PRKG1: variants seen among roughly 807,000 people sequenced by gnomAD.
PRKG1 encodes protein kinase cGMP-dependent 1.
Under a neutral mutation model 88.1 loss-of-function variants are expected in PRKG1, and 35 were observed. The observed-to-expected ratio is 0.40, with a 90% CI of 0.30 to 0.53. PRKG1 has a LOEUF of 0.53. PRKG1 is among the 20% of genes least tolerant of loss of function. The probability of loss-of-function intolerance (pLI) is 0.59; values close to 1 mark genes in which losing one functional copy is unlikely to be tolerated. For synonymous variants in PRKG1, 303 were observed against 292.5 expected (o/e 1.04, Z -0.37); for missense variants, 540 against 839.8 (o/e 0.64, Z 4.41).
intron 9 of PRKG1, among the ~76,000 whole-genome samples, chr10:52,194,299 C>A (rs1313905002): frequency 2.0e-5 from 3 of 152,030 alleles, no homozygotes; most frequent in Admixed American, 1.3e-4. Context: ...ATAATTGAAG[C>A]TCCTAATAAA....
intron 1 of PRKG1, among the ~76,000 whole-genome samples, chr10:51,007,374 A>T (rs1237182261): frequency 1.3e-5 from 2 of 152,166 alleles, no homozygotes; most frequent in Admixed American, 1.3e-4. Context: ...TTACCATCCG[A>T]GTTAAGTTTT....
chr10:51,417,196 C>A (rs1011170848), intron 2 of PRKG1, among the ~76,000 whole-genome samples: 3 of 152,082 alleles, frequency 2.0e-5, no homozygotes, highest in African/African-American at 7.2e-5. Flanking sequence ...TTAAAAAGTA[C>A]GTAATTATTC....
intron 7 of PRKG1, among the ~76,000 whole-genome samples, chr10:52,103,512 C>T (rs532660505): frequency 7.2e-5 from 11 of 152,196 alleles, no homozygotes; most frequent in African/African-American, 2.4e-4. Flanking sequence ...TTCTTTATGA[C>T]TTTAACAGCA....
chr10:52,032,620 TTTAA>T (rs1258563754), intron 5 of PRKG1, among the ~76,000 whole-genome samples: 9 of 152,188 alleles, frequency 5.9e-5, no homozygotes, highest in Non-Finnish European at 1.3e-4. Flanking sequence ...TCAGCAGAAT[TTTAA>T]TTAATCATTT....
At chr10:51,143,343 T>C (rs745813604) in intron 1 of PRKG1, among the ~76,000 whole-genome samples, 3 of 152,144 alleles carry the variant, frequency 2.0e-5, no homozygotes, top group Non-Finnish European at 4.4e-5. Flanking sequence ...TAATATTCCA[T>C]TGTGTCTGTA....
chr10:52,024,322 T>G (rs866581712), intron 5 of PRKG1, among the ~76,000 whole-genome samples: 3 of 92,624 alleles, frequency 3.2e-5, no homozygotes, highest in Non-Finnish European at 4.6e-5. Flanking sequence ...TTTAACTTTT[T>G]TTTTTATTCT....
chr10:51,049,878 C>T (rs1843540111), intron 1 of PRKG1, among the ~76,000 whole-genome samples: 1 of 152,058 alleles, frequency 6.6e-6, no homozygotes, highest in Non-Finnish European at 1.5e-5. Context: ...TACCCATATG[C>T]ATGGCATGGG....
At chr10:52,127,529 A>G (rs936931449) in intron 7 of PRKG1, among the ~76,000 whole-genome samples, 2 of 152,152 alleles carry the variant, frequency 1.3e-5, no homozygotes, top group African/African-American at 4.8e-5. Context: ...TAGGGATGAA[A>G]TGTCAACAAA....
At chr10:51,817,785 G>A (rs1331922100) in intron 4 of PRKG1, among the ~76,000 whole-genome samples, 1 of 152,128 alleles carries the variant, frequency 6.6e-6, no homozygotes, top group Non-Finnish European at 1.5e-5. Flanking sequence ...AGAAGTTATT[G>A]ACTTGTTTTC....
intron 2 of PRKG1, among the ~76,000 whole-genome samples, chr10:51,354,947 C>A (rs1403126829): frequency 6.6e-6 from 1 of 152,000 alleles, no homozygotes; most frequent in Non-Finnish European, 1.5e-5. Context: ...AGCATGGTAG[C>A]AAATGTCTGG....
intron 9 of PRKG1, among the ~76,000 whole-genome samples, chr10:52,233,364 G>T (rs529453727): frequency 6.6e-6 from 1 of 151,912 alleles, no homozygotes; most frequent in Non-Finnish European, 1.5e-5. Context: ...CGTGAGCGAC[G>T]CAGAAGACGG....
chr10:52,150,183 A>ATTATT (rs1554810291), intron 8 of PRKG1, among the ~76,000 whole-genome samples: 4 of 147,976 alleles, frequency 2.7e-5, no homozygotes, highest in African/African-American at 1.0e-4. Context: ...TAATAATAAT[A>ATTATT]ATTTGATTGG....
intron 4 of PRKG1, among the ~76,000 whole-genome samples, chr10:51,875,636 T>C (rs1351479003): frequency 2.0e-5 from 3 of 152,210 alleles, no homozygotes; most frequent in African/African-American, 7.2e-5. Context: ...ATTGACAAAG[T>C]ATCTTTCGAC....
At chr10:51,639,029 TG>T (rs1469109666) in intron 3 of PRKG1, among the ~76,000 whole-genome samples, 1 of 152,186 alleles carries the variant, frequency 6.6e-6, no homozygotes, top group Non-Finnish European at 1.5e-5. Flanking sequence ...AACACTGTAA[TG>T]TTTTTTAAGG....
chr10:51,387,234 G>A (rs965108251), intron 2 of PRKG1, among the ~76,000 whole-genome samples: 1 of 151,702 alleles, frequency 6.6e-6, no homozygotes, highest in Non-Finnish European at 1.5e-5. Flanking sequence ...GTTCCACAGG[G>A]CCCGTGGTCA....
intron 4 of PRKG1, among the ~76,000 whole-genome samples, chr10:51,813,454 T>A (rs1839507483): frequency 6.6e-6 from 1 of 152,176 alleles, no homozygotes; most frequent in Non-Finnish European, 1.5e-5. Flanking sequence ...AAATAATATG[T>A]TAGTAAAAAT....
chr10:52,280,832 G>A lies in PRKG1; in HGVS notation c.1447G>A (p.Val483Met). 3 of 1,613,280 alleles carry A rather than the reference G, an allele frequency of 1.9e-6. No homozygotes were observed. The highest frequency in any genetic ancestry group is 2.5e-6 in the Non-Finnish European group (3 of 1,179,510). ...TACAACCAGATTTTACACAGCATGT[G>A]TGGTAGAAGCTTTTGCCTATCTGCA... ...DSTTRFYTAC[V>M]VEAFAYLHSK... The change falls in exon 13 of 18, where the codon GTG (valine) becomes ATG (methionine). Residue 483 changes from valine to methionine, a missense_variant. Around this residue, in one of 5 missense-constraint regions of PRKG1, gnomAD observed 400 missense variants for 562.7 expected, o/e 0.71. Coordinates refer to ENST00000373980, the MANE Select transcript of PRKG1 (RefSeq NM_006258.4).
In PRKG1 at chr10:51,611,850, C is replaced by A. The variant is rs552871293; in HGVS notation, c.592+144014C>A. On this transcript the variant is annotated intron_variant, in intron 3 of 17. Coordinates refer to ENST00000373980, the MANE Select transcript of PRKG1 (RefSeq NM_006258.4). ...ATAGAAATGCAGTTTCATTCTTCTGCATATGGTTAACCAGTTTTCCTAGCA... is the reference window on the plus strand; with the variant it reads ...ATAGAAATGCAGTTTCATTCTTCTGAATATGGTTAACCAGTTTTCCTAGCA... Among the ~76,000 whole-genome samples the A allele has an allele frequency of 9.4e-4, 143 of 152,228 alleles. 3 individuals carry two copies. The South Asian group carries it at 0.021, about 23-fold the overall frequency.
intron 3 of PRKG1, among the ~76,000 whole-genome samples, chr10:51,789,602 G>T (rs1160739808): frequency 2.0e-5 from 3 of 152,038 alleles, no homozygotes; most frequent in Non-Finnish European, 4.4e-5. Context: ...TGGAATTAAG[G>T]GCTACCCTAA....
Sources: gnomAD v4.1 joint callset for allele counts (sites outside exome capture counted in the v4.1 genomes callset) on GRCh38, gnomAD v4.1.1 for gene constraint, gnomAD v4.1.1 regional missense constraint, MANE v1.5 for transcripts, NCBI Gene and HGNC (gene_info 2026-07-23, HGNC 2026-07-21) for gene names.